VWA5B1: variants seen among roughly 807,000 people sequenced by gnomAD.
The protein encoded by VWA5B1 is von Willebrand factor A domain-containing protein 5B1.
A neutral mutation model predicts 118.2 loss-of-function variants in VWA5B1; 115 were observed. That is an observed-to-expected ratio of 0.97 (90% confidence interval 0.84 to 1.14). VWA5B1 has a LOEUF of 1.14. Among genes scored for constraint, VWA5B1 ranks in the 50% most tolerant of loss-of-function variants. The pLI is 0.00. For synonymous variants in VWA5B1, 682 were observed against 658.4 expected (o/e 1.04, Z -0.55); for missense variants, 1,596 against 1,603.8 (o/e 1.00, Z 0.08).
chr1:20,335,540 C>T (rs1398905140), intron 12 of VWA5B1, among the ~76,000 whole-genome samples: 1 of 152,134 alleles, frequency 6.6e-6, no homozygotes, highest in African/African-American at 2.4e-5. Flanking sequence ...TGACATTTGA[C>T]TCTCTAAAAA....
At chr1:20,329,479 T>C (rs532899630) in intron 9 of VWA5B1, among the ~76,000 whole-genome samples, 179 of 152,036 alleles carry the variant, frequency 1.2e-3, no homozygotes, top group Non-Finnish European at 2.0e-3. Context: ...TAGCTAATTT[T>C]TATATTTTTA....
At chr1:20,331,792 ACGGCATTT>A (rs1399449471) in intron 11 of VWA5B1, among the ~76,000 whole-genome samples, 3 of 152,032 alleles carry the variant, frequency 2.0e-5, no homozygotes, top group Admixed American at 6.6e-5. Context: ...CTGTCACCTA[ACGGCATTT>A]CTTGCAGCAA....
chr1:20,348,354 A>G lies in VWA5B1; in HGVS notation c.2874A>G (p.Gly958=), dbSNP rs1484141420. 1 of 1,551,484 alleles carries G rather than the reference A, an allele frequency of 6.4e-7. No individual in the cohort carries two copies. The highest frequency in any genetic ancestry group is 2.4e-5 in the East Asian group (1 of 40,932). The change falls in exon 18 of 22, where the codon GGA becomes GGG. Residue 958 remains glycine (G), a synonymous_variant. Coordinates refer to ENST00000289815, the MANE Select transcript of VWA5B1 (RefSeq NM_001039500.3). ...TGCTTGGAGAAGATTCGGCACCAGGAAATGGTAAATTTCAGGCCCTAAGTA... is the reference window on the plus strand; with the variant it reads ...TGCTTGGAGAAGATTCGGCACCAGGGAATGGTAAATTTCAGGCCCTAAGTA... ...QTMLGEDSAP[G]NDMEASPTAL...
At chr1:20,315,680 G>A (rs2088984300) in intron 4 of VWA5B1, among the ~76,000 whole-genome samples, 1 of 152,212 alleles carries the variant, frequency 6.6e-6, no homozygotes, top group Non-Finnish European at 1.5e-5. Flanking sequence ...CCCTGAGGCA[G>A]CAGCAGGTGC....
chr1:20,349,485 G>A (rs917387886), intron 18 of VWA5B1, among the ~76,000 whole-genome samples: 2 of 152,036 alleles, frequency 1.3e-5, no homozygotes, highest in African/African-American at 4.8e-5. Context: ...CTGGGTTCAA[G>A]CGATTCTCCT....
chr1:20,302,784 G>T (rs768242738), intron 1 of VWA5B1, among the ~76,000 whole-genome samples: 50 of 152,130 alleles, frequency 3.3e-4, no homozygotes, highest in Non-Finnish European at 6.3e-4. Context: ...GGCCTTGAAG[G>T]ATGGCTAAGG....
intron 1 of VWA5B1, among the ~76,000 whole-genome samples, chr1:20,293,535 T>C (rs761015251): frequency 7.2e-5 from 11 of 152,198 alleles, no homozygotes; most frequent in Non-Finnish European, 1.3e-4. Context: ...CAACCTCCAG[T>C]GACCAATGAC....
chr1:20,297,515 G>A (rs1033810654), intron 1 of VWA5B1, among the ~76,000 whole-genome samples: 7 of 152,246 alleles, frequency 4.6e-5, no homozygotes, highest in Admixed American at 2.0e-4. Flanking sequence ...CAGAGGAGGA[G>A]AAGGCAGAAG....
chr1:20,347,223 G>A (rs1450857278), intron 17 of VWA5B1, among the ~76,000 whole-genome samples: 1 of 152,212 alleles, frequency 6.6e-6, no homozygotes, highest in East Asian at 1.9e-4. Context: ...CACTGGATTA[G>A]ATAAAGTTCA....
In VWA5B1 at chr1:20,317,674, A is replaced by G; in HGVS notation, c.708A>G (p.Ala236=). ...AGATCCGTGGGCCATGTCTGCTCGC[A>G]GGTGAGAGGGAGACATCCAGACGGG... ...QLEIRGPCLL[A]GVESPTHEIR... Residue 236 remains alanine (A), a splice_region_variant and synonymous_variant, in exon 5 of 22, where the codon GCA becomes GCG. Coordinates refer to ENST00000289815, the MANE Select transcript of VWA5B1 (RefSeq NM_001039500.3). 6.5e-7 allele frequency: 1 copy of G among 1,548,150 alleles called. No homozygotes were observed. The highest frequency in any genetic ancestry group is 8.7e-7 in the Non-Finnish European group (1 of 1,144,914).
intron 11 of VWA5B1, among the ~76,000 whole-genome samples, chr1:20,332,357 G>A (rs1363413690): frequency 6.6e-6 from 1 of 151,918 alleles, no homozygotes; most frequent in Non-Finnish European, 1.5e-5. Flanking sequence ...GCGGGTGCCT[G>A]TAATCCCAGC....
rs371928418 is a variant in VWA5B1, at chr1:20,317,628, A to G, written c.662A>G (p.Tyr221Cys). The G allele has an allele frequency of 6.4e-5, 99 of 1,551,566 alleles. No individual in the cohort carries two copies. Among genetic ancestry groups the G allele is most frequent in the Middle Eastern group, 1.7e-4 (1 of 6,012 alleles). ...LNTEVSNPME[Y>C]EFNFQLEIRG... is the part of the protein sequence containing the mutation. ...ACCGAAGTGTCCAACCCCATGGAGT[A>G]TGAGTTCAACTTCCAGCTGGAGATC... The change falls in exon 5 of 22, where the codon TAT becomes TGT. Residue 221 changes from tyrosine to cysteine, a missense_variant. By Grantham distance (194) the Tyr-to-Cys change is radical. Transcript: ENST00000289815.
chr1:20,330,650 G>A (rs1472697124), intron 10 of VWA5B1, among the ~76,000 whole-genome samples: 9 of 152,316 alleles, frequency 5.9e-5, no homozygotes, highest in South Asian at 2.1e-4. Context: ...GGCTGCTCCC[G>A]CTCTGTGCTG....
At chr1:20,297,803 G>A (rs1009606940) in intron 1 of VWA5B1, among the ~76,000 whole-genome samples, 1 of 152,170 alleles carries the variant, frequency 6.6e-6, no homozygotes, top group Admixed American at 6.5e-5. Flanking sequence ...TGCCCTGGGA[G>A]CTCCAAACCT....
Position 20,342,500 on chromosome 1 carries a change from C to G in VWA5B1, c.2202C>G (p.Pro734=), listed in dbSNP as rs373924637. ...PKLRGPGARR[P]SLLPQGCQPF... Reference sequence around the variant, plus strand: ...TCCGTGGCCCAGGGGCCCGAAGGCCCTCTCTGCTGCCCCAAGGCTGCCAGC... The same window carrying G: ...TCCGTGGCCCAGGGGCCCGAAGGCCGTCTCTGCTGCCCCAAGGCTGCCAGC... The change falls in exon 15 of 22, where the codon CCC becomes CCG. Residue 734 remains proline (P), a synonymous_variant. Transcript: ENST00000289815. The G allele has an allele frequency of 7.1e-6, 11 of 1,551,296 alleles. No homozygotes were observed. The African/African-American group carries it at 1.5e-4, about 21-fold the overall frequency.
chr1:20,350,928 T>C lies in VWA5B1; in HGVS notation c.3023+2T>C. 6.4e-7 allele frequency: 1 copy of C among 1,551,830 alleles called. No homozygotes were observed. The highest frequency in any genetic ancestry group is 2.4e-5 in the East Asian group (1 of 40,920). On this transcript the variant is annotated splice_donor_variant, in intron 20 of 21. Coordinates refer to ENST00000289815, the MANE Select transcript of VWA5B1 (RefSeq NM_001039500.3). LOFTEE classifies it high-confidence loss of function. ...CTCAGAGAATCTCTTTGGATCCTGG[T>C]AGGTGGGATTTCCAATAAAGGTACA...
chr1:20,299,120 C>T (rs1315084879), intron 1 of VWA5B1, among the ~76,000 whole-genome samples: 4 of 152,180 alleles, frequency 2.6e-5, no homozygotes, highest in African/African-American at 4.8e-5. Flanking sequence ...ACAGTGCCTA[C>T]GACCCAATGG....
intron 13 of VWA5B1, among the ~76,000 whole-genome samples, chr1:20,336,800 G>A (rs1415255359): frequency 6.6e-6 from 1 of 152,198 alleles, no homozygotes; most frequent in Admixed American, 6.5e-5. Context: ...GGGAAGCAAA[G>A]ATGACTCAGA....
At chr1:20,300,326 G>T (rs1024712130) in intron 1 of VWA5B1, among the ~76,000 whole-genome samples, 3 of 152,160 alleles carry the variant, frequency 2.0e-5, no homozygotes, top group Non-Finnish European at 4.4e-5. Context: ...GATGTGGGTT[G>T]TCTCTCAGAG....
Sources: gnomAD v4.1 joint callset for allele counts (sites outside exome capture counted in the v4.1 genomes callset) on GRCh38, gnomAD v4.1.1 for gene constraint, MANE v1.5 for transcripts, NCBI Gene and HGNC (gene_info 2026-07-23, HGNC 2026-07-21) for gene names.